CFAP47: variants seen among roughly 807,000 people sequenced by gnomAD.
The protein encoded by CFAP47 is cilia and flagella associated protein 47.
Under a neutral mutation model 148.1 loss-of-function variants are expected in CFAP47, and 29 were observed. That is an observed-to-expected ratio of 0.20 (90% CI 0.15 to 0.27). CFAP47 has a LOEUF of 0.27. CFAP47 is among the 10% of genes least tolerant of loss of function. The pLI, the probability that CFAP47 is intolerant of heterozygous loss-of-function variation, is 1.00. For synonymous variants in CFAP47, 664 were observed against 577.3 expected, an observed-to-expected ratio of 1.15 and a Z score of -2.15; for missense variants, 1,872 against 1,697.5, an observed-to-expected ratio of 1.10 and a Z score of -1.81.
chrX:36,129,714 A>T (rs1159486050), intron 33 of CFAP47, among the ~76,000 whole-genome samples: 1 of 111,554 alleles, frequency 9.0e-6, no homozygotes, highest in Non-Finnish European at 1.9e-5. Context: ...TCAGGAGATG[A>T]AATCTATCTT....
intron 40 of CFAP47, among the ~76,000 whole-genome samples, chrX:36,184,028 C>T (rs752014486): frequency 9.1e-6 from 1 of 110,165 alleles, no homozygotes; most frequent in South Asian, 3.9e-4. Context: ...CATATCTGGC[C>T]CTCGAGGAAC....
rs1936538888 is a variant in CFAP47 at position 35,974,451 on chromosome X, G to C, written c.2255-696G>C. On this transcript the variant is annotated intron_variant, in intron 13 of 63. Coordinates refer to ENST00000378653, the MANE Select transcript of CFAP47 (RefSeq NM_001304548.2). ...GGCCATGAGGGAGATGTGGACAAAG[G>C]ATGATTGATTGGGCTGATTCTCTCT... Among the ~76,000 whole-genome samples, 3 of 111,239 alleles carry C rather than the reference G, an allele frequency of 2.7e-5. No individual in the cohort carries two copies. In the Admixed American group the frequency reaches 2.9e-4, roughly 11 times the overall value.
In CFAP47 at chrX:36,009,791, A is replaced by G. The variant is rs765042457; in HGVS notation, c.3418-4983A>G. On this transcript the variant is annotated intron_variant, in intron 21 of 63. Transcript: ENST00000378653. ...GACTAGAGCTGAACATATGCACTTT[A>G]TAATATTCAGCTCCTCATTTTATTT... Among the ~76,000 whole-genome samples the G allele has an allele frequency of 2.1e-4, 23 of 112,099 alleles. No homozygotes were observed. In the South Asian group the frequency reaches 7.0e-3, roughly 34 times the overall value.
At chrX:36,379,128 G>GT (rs1942053100) in intron 62 of CFAP47, among the ~76,000 whole-genome samples, 2 of 112,221 alleles carry the variant, frequency 1.8e-5, no homozygotes, top group African/African-American at 6.5e-5. Context: ...TGCATTATAA[G>GT]ATGTGATTTT....
Position 35,967,819 on chromosome X carries a change from C to T in CFAP47, c.1801C>T (p.His601Tyr). Residue 601 changes from histidine (H) to tyrosine (Y), a missense_variant, in exon 10 of 64, where the codon CAT becomes TAT. Transcript: ENST00000378653. ...TGCAACTATCAGGTCTAAAGACCAT[C>T]ATAAACATTTCAGGTAACATGAAAT... The part of the protein sequence containing the change: ...RAATIRSKDH[H>Y]KHFRPIFTKV... The T allele has an allele frequency of 8.3e-7, 1 of 1,198,096 alleles. No homozygotes were observed. The highest frequency in any genetic ancestry group is 1.1e-6 in the Non-Finnish European group (1 of 886,204).
chrX:36,095,905 G>C (rs772733953), intron 30 of CFAP47, among the ~76,000 whole-genome samples: 1 of 110,540 alleles, frequency 9.0e-6, no homozygotes, highest in Non-Finnish European at 1.9e-5. Context: ...TTGGGATTTC[G>C]CTTGCTCTTG....
chrX:36,196,063 T>C (rs1555987197), intron 42 of CFAP47, among the ~76,000 whole-genome samples: 1 of 111,834 alleles, frequency 8.9e-6, no homozygotes, highest in African/African-American at 3.2e-5. Flanking sequence ...TGTCAAAATT[T>C]TGTTAAGAAA....
At chrX:36,237,878 A>G (rs782480693) in intron 48 of CFAP47, among the ~76,000 whole-genome samples, 40 of 111,216 alleles carry the variant, frequency 3.6e-4, no homozygotes, top group Non-Finnish European at 6.4e-4. Context: ...CCTGATAAAT[A>G]TGTGCCTTGG....
intron 22 of CFAP47, among the ~76,000 whole-genome samples, chrX:36,029,046 A>G (rs2146717121): frequency 9.0e-6 from 1 of 110,707 alleles, no homozygotes; most frequent in African/African-American, 3.3e-5. Flanking sequence ...TTTTTAAATT[A>G]CTGATTCAAT....
At chrX:35,952,343 A>G (rs770025724) in intron 6 of CFAP47, among the ~76,000 whole-genome samples, 1 of 111,745 alleles carries the variant, frequency 8.9e-6, no homozygotes, top group South Asian at 3.8e-4. Flanking sequence ...TACTTCTGGC[A>G]GGGCAGAATT....
At chrX:36,383,633 C>T (rs1942099279) in intron 63 of CFAP47, among the ~76,000 whole-genome samples, 1 of 111,656 alleles carries the variant, frequency 9.0e-6, no homozygotes, top group Non-Finnish European at 1.9e-5. Context: ...ATAATTATTA[C>T]AAACACTAGA....
intron 49 of CFAP47, among the ~76,000 whole-genome samples, chrX:36,259,849 C>A (rs1378267498): frequency 1.8e-5 from 2 of 111,432 alleles, no homozygotes; most frequent in Admixed American, 1.9e-4. Context: ...TGCCTTCCAA[C>A]CAATGCCCTT....
intron 2 of CFAP47, among the ~76,000 whole-genome samples, chrX:35,930,392 TTTGA>T (rs778269494): frequency 1.8e-5 from 2 of 111,296 alleles, no homozygotes; most frequent in East Asian, 2.8e-4. Flanking sequence ...TGGTTTATAG[TTTGA>T]TTGATTGATT....
chrX:36,041,157 A>G (rs949328378), intron 25 of CFAP47, among the ~76,000 whole-genome samples: 2 of 111,362 alleles, frequency 1.8e-5, no homozygotes, highest in African/African-American at 6.5e-5. Context: ...AAAGGAATAT[A>G]AAAATATATA....
chrX:35,926,691 T>G (rs73466944), intron 2 of CFAP47, among the ~76,000 whole-genome samples: 1,679 of 112,069 alleles, frequency 0.015, 28 homozygotes, highest in African/African-American at 0.051. Flanking sequence ...GTTTCTTTAT[T>G]TATATACATA....
chrX:36,314,702 TTATC>T (rs372515655), intron 56 of CFAP47, among the ~76,000 whole-genome samples: 5 of 111,453 alleles, frequency 4.5e-5, no homozygotes, highest in African/African-American at 9.8e-5. Context: ...ATCTATCTAT[TTATC>T]TATCTATCAT....
rs183583895 is a variant in CFAP47, at chrX:36,278,696, C to T, written c.7445-1791C>T. On this transcript the variant is annotated intron_variant, in intron 49 of 63. Coordinates refer to ENST00000378653, the MANE Select transcript of CFAP47 (RefSeq NM_001304548.2). Reference sequence around the variant, plus strand: ...GTCGATCATGCTGGGAGCTGCAGACCGGAGCTGTTCCTATTTGGCCACCTT... The same window carrying T: ...GTCGATCATGCTGGGAGCTGCAGACTGGAGCTGTTCCTATTTGGCCACCTT... 5.4e-4 allele frequency among the ~76,000 whole-genome samples: 61 copies of T among 112,259 alleles called. No homozygotes were observed. In the East Asian group the frequency reaches 0.015, roughly 28 times the overall value.
intron 36 of CFAP47, 51 bp from the exon 37 acceptor site, chrX:36,149,057 A>C (rs933451421): frequency 3.5e-6 from 1 of 287,378 alleles, no homozygotes; most frequent in East Asian, 4.9e-5. Context: ...ATATAGTTGC[A>C]TAGTTTTTAA....
At chrX:35,985,809 C>A in intron 15 of CFAP47, 2 of 219,732 alleles carry the variant, frequency 9.1e-6, no homozygotes, top group African/African-American at 2.9e-5. Context: ...GTGTGGGGAT[C>A]CCAAGTTGTG....
Sources: gnomAD v4.1 joint callset for allele counts (sites outside exome capture counted in the v4.1 genomes callset) on GRCh38, gnomAD v4.1.1 for gene constraint, MANE v1.5 for transcripts, NCBI Gene and HGNC (gene_info 2026-07-23, HGNC 2026-07-21) for gene names.